Variants in HERC5 observed in about 807,000 individuals in gnomAD.
HERC5 encodes the protein HECT and RLD domain containing E3 ubiquitin protein ligase 5.
In HERC5, 99 loss-of-function variants were observed where a neutral mutation model predicts 119.6. The ratio of observed to expected loss-of-function variants is 0.83; its 90% CI spans 0.70 to 0.98. The LOEUF is 0.98. HERC5 is among the 50% of genes least tolerant of loss of function. HERC5 has a pLI of 0.00. For missense variants in HERC5, 1,267 were observed against 1,241.3 expected, an observed-to-expected ratio of 1.02 and a Z score of -0.31; for synonymous variants, 478 against 445.9, an observed-to-expected ratio of 1.07 and a Z score of -0.91.
At chr4:88,469,056 T>C in intron 8 of HERC5, 101 bp from the exon 9 acceptor site, 1 of 669,912 alleles carries the variant, frequency 1.5e-6, no homozygotes, top group Non-Finnish European at 2.6e-6. Flanking sequence ...GTATTACACA[T>C]ATTTAAAAGT....
chr4:88,462,149 G>T lies in HERC5; in HGVS notation c.481G>T (p.Ala161Ser). The change falls in exon 4 of 23, where the codon GCC (alanine) becomes TCC (serine). Residue 161 changes from alanine (A) to serine (S), a missense_variant. Transcript: ENST00000264350. Reference sequence around the variant, plus strand: ...TTTATGTCAAGGTGGTGAGCTTTTTGCCTGGGGACAGAACCTGCATGGGCA... The same window carrying T: ...TTTATGTCAAGGTGGTGAGCTTTTTTCCTGGGGACAGAACCTGCATGGGCA... ...LALSKGGELF[A>S]WGQNLHGQLG... 1 of 1,613,692 alleles carries T rather than the reference G, an allele frequency of 6.2e-7. No homozygotes were observed. Among genetic ancestry groups the T allele is most frequent in the Non-Finnish European group, 8.5e-7 (1 of 1,179,846 alleles).
chr4:88,497,735 C>G (rs1741838951), intron 18 of HERC5, among the ~76,000 whole-genome samples: 1 of 152,078 alleles, frequency 6.6e-6, no homozygotes, highest in African/African-American at 2.4e-5. Flanking sequence ...AAGAGAGCAC[C>G]AAGGGTATGG....
intron 1 of HERC5, chr4:88,457,776 G>GGTGCGGGGC (rs1486850164): frequency 3.0e-6 from 2 of 659,894 alleles, no homozygotes; most frequent in African/African-American, 3.8e-5. Context: ...CAAAGTGGCC[G>GGTGCGGGGC]GTGCGGGGCA....
chr4:88,488,937 C>T lies in HERC5; in HGVS notation c.1963-229C>T, dbSNP rs1370034814. Among the ~76,000 whole-genome samples the T allele has an allele frequency of 2.6e-5, 4 of 152,196 alleles. No individual in the cohort carries two copies. In the East Asian group the frequency reaches 5.8e-4, roughly 22 times the overall value. ...ACCTGCAGTTGGTAACTTACTTGCT[C>T]ATCCAGCTTGGCTCCACAAAGGCTT... On this transcript the variant is annotated intron_variant, in intron 15 of 22. Transcript: ENST00000264350.
intron 18 of HERC5, among the ~76,000 whole-genome samples, chr4:88,497,406 A>G (rs920196026): frequency 3.9e-5 from 6 of 152,320 alleles, no homozygotes; most frequent in Admixed American, 3.9e-4. Context: ...GAGGTCTCAG[A>G]TGGAAGTGAG....
intron 6 of HERC5, 121 bp downstream of exon 6, chr4:88,464,106 C>T: frequency 1.4e-6 from 1 of 709,240 alleles, no homozygotes; most frequent in Admixed American, 3.4e-5. Context: ...AGTGAAAATG[C>T]TTAATTTATA....
chr4:88,486,277 A>G, intron 14 of HERC5, 49 bp downstream of exon 14: 1 of 1,149,468 alleles, frequency 8.7e-7, no homozygotes, highest in African/African-American at 1.5e-5. Flanking sequence ...GTGAGTTAAT[A>G]CAGGCATTTC....
intron 10 of HERC5, among the ~76,000 whole-genome samples, chr4:88,471,339 G>A (rs1740863787): frequency 1.3e-5 from 2 of 151,242 alleles, no homozygotes; most frequent in Non-Finnish European, 2.9e-5. Context: ...TATCTTTTTT[G>A]GTAATTTTTT....
In HERC5 at chr4:88,463,952, T is replaced by C. The variant is rs1490983122; in HGVS notation, c.878T>C (p.Val293Ala). The change falls in exon 6 of 23, where the codon GTT becomes GCT. Residue 293 changes from valine to alanine, a missense_variant. Physicochemically the swap from Val to Ala is moderately conservative, Grantham distance 64 (BLOSUM62 0). Transcript: ENST00000264350. ...ELRPCLVAEL[V>A]GYRVTQIACG... is the part of the protein sequence containing the mutation. Reference sequence around the variant, plus strand: ...AGACCCTGTTTGGTGGCTGAGCTTGTTGGGTATAGAGTGACTCAGATAGCA... The same window carrying C: ...AGACCCTGTTTGGTGGCTGAGCTTGCTGGGTATAGAGTGACTCAGATAGCA... 6.2e-7 allele frequency: 1 copy of C among 1,614,018 alleles called. No homozygotes were observed. Among genetic ancestry groups the C allele is most frequent in the Non-Finnish European group, 8.5e-7 (1 of 1,179,998 alleles).
In HERC5 at chr4:88,503,993, G is replaced by A. The variant is rs924797933; in HGVS notation, c.2583-239G>A. Among the ~76,000 whole-genome samples, 3 of 151,996 alleles carry A rather than the reference G, an allele frequency of 2.0e-5. No homozygotes were observed. In the South Asian group the frequency reaches 6.2e-4, roughly 32 times the overall value. ...AAGGCAGGAGAATCTCTTGAACCCA[G>A]GAGGTGGAGGTTGCAATAAGCTAAG... On this transcript the variant is annotated intron_variant, in intron 20 of 22. Transcript: ENST00000264350.
In HERC5 at chr4:88,460,111, C is replaced by A; in HGVS notation, c.406C>A (p.Gln136Lys). The change falls in exon 3 of 23, where the codon CAA becomes AAA. Residue 136 changes from glutamine (Q) to lysine (K), a missense_variant. Coordinates refer to ENST00000264350, the MANE Select transcript of HERC5 (RefSeq NM_016323.4). ...MKHLRFESILQEKKIIQITCG... is the reference protein window; with the variant it reads ...MKHLRFESILKEKKIIQITCG... ...CTTCATCAGGTTTGAAAGCATTTTA[C>A]AAGAAAAAAAAATAATTCAGATCAC... The A allele has an allele frequency of 6.4e-7, 1 of 1,573,970 alleles. No homozygotes were observed. The highest frequency in any genetic ancestry group is 8.7e-7 in the Non-Finnish European group (1 of 1,147,492).
rs766033795 is a variant in HERC5 at position 88,499,980 on chromosome 4, C to T, written c.2499C>T (p.Tyr833=). The T allele has an allele frequency of 2.5e-6, 4 of 1,597,416 alleles. No individual in the cohort carries two copies. The highest frequency in any genetic ancestry group is 1.7e-5 in the Admixed American group (1 of 59,962). Reference sequence around the variant, plus strand: ...GTGATAACTTTGAGGAAGTATTTTACATCCATTTTAATGTGAGTAACAATA... The same window carrying T: ...GTGATAACTTTGAGGAAGTATTTTATATCCATTTTAATGTGAGTAACAATA... ...DEGDNFEEVF[Y]IHFNVHWDRN... The change falls in exon 19 of 23, where the codon TAC becomes TAT. Residue 833 remains tyrosine, a synonymous_variant. Coordinates refer to ENST00000264350, the MANE Select transcript of HERC5 (RefSeq NM_016323.4).
intron 13 of HERC5, among the ~76,000 whole-genome samples, chr4:88,483,467 T>G (rs1172521664): frequency 6.6e-6 from 1 of 151,062 alleles, no homozygotes; most frequent in Admixed American, 6.6e-5. Context: ...TGGGCCTTGG[T>G]CTCCCGAAGT....
chr4:88,500,886 ATAT>A (rs762448170), intron 19 of HERC5, 26 bp from the exon 20 acceptor site: 3 of 1,518,014 alleles, frequency 2.0e-6, no homozygotes, highest in Admixed American at 1.8e-5. Flanking sequence ...TATGTTGGAG[ATAT>A]TATCTGAGTT....
At chr4:88,472,341 G>A (rs561924050) in intron 10 of HERC5, 68 bp from the exon 11 acceptor site, 19 of 867,176 alleles carry the variant, frequency 2.2e-5, no homozygotes, top group Admixed American at 4.4e-5. Flanking sequence ...AATGGGGCAA[G>A]CTCTAGAAGA....
At chr4:88,465,454 T>C (rs567719039) in intron 6 of HERC5, among the ~76,000 whole-genome samples, 1 of 152,372 alleles carries the variant, frequency 6.6e-6, no homozygotes, top group Admixed American at 6.5e-5. Flanking sequence ...TATTTTCTTA[T>C]GATCTTGGAG....
chr4:88,483,035 A>G (rs902365676), intron 13 of HERC5, among the ~76,000 whole-genome samples: 2 of 152,042 alleles, frequency 1.3e-5, no homozygotes, highest in South Asian at 2.1e-4. Context: ...TTTCCAGTCC[A>G]TATACGTTTT....
chr4:88,479,299 AAAAG>A, intron 12 of HERC5, 50 bp from the exon 13 acceptor site: 1 of 1,451,700 alleles, frequency 6.9e-7, no homozygotes, highest in Admixed American at 2.4e-5. Flanking sequence ...AAAAAAAAAA[AAAAG>A]CACAATAAAA....
chr4:88,485,834 G>T (rs1560609233), intron 13 of HERC5, among the ~76,000 whole-genome samples: 2 of 145,450 alleles, frequency 1.4e-5, no homozygotes, highest in East Asian at 2.0e-4. Context: ...ATATTGCATT[G>T]TTTTTTTTTT....
Sources: gnomAD v4.1 joint callset for allele counts (sites outside exome capture counted in the v4.1 genomes callset) on GRCh38, gnomAD v4.1.1 for gene constraint, MANE v1.5 for transcripts, NCBI Gene and HGNC (gene_info 2026-07-23, HGNC 2026-07-21) for gene names.